Variants in KCNH1 observed in about 807,000 individuals in gnomAD.
KCNH1 encodes the protein voltage-gated delayed rectifier potassium channel KCNH1.
KCNH1 carries 27 observed loss-of-function variants against 69.2 expected under a neutral mutation model. The observed-to-expected ratio is 0.39, with a 90% CI of 0.29 to 0.54. The LOEUF (loss-of-function observed/expected upper bound fraction) is 0.54, where lower values mean the gene tolerates loss of function less well. Ranked by LOEUF, KCNH1 falls within the 20% of genes least tolerant of loss-of-function variation. KCNH1 has a pLI of 0.68. For missense variants in KCNH1, 798 were observed against 1,261.6 expected, an observed-to-expected ratio of 0.63 and a Z score of 5.57; for synonymous variants, 456 against 487.7, an observed-to-expected ratio of 0.93 and a Z score of 0.86.
chr1:210,730,499 G>A (rs1186178329), intron 10 of KCNH1, among the ~76,000 whole-genome samples: 2 of 152,186 alleles, frequency 1.3e-5, no homozygotes, highest in Non-Finnish European at 2.9e-5. Flanking sequence ...TAATAATCCA[G>A]TCTCCTTCCC....
At chr1:210,769,992 A>T (rs114388686) in intron 10 of KCNH1, among the ~76,000 whole-genome samples, 3,404 of 152,156 alleles carry the variant, frequency 0.022, 131 homozygotes, top group African/African-American at 0.077. Context: ...CCGTATGTAA[A>T]CTTCTCAATA....
At chr1:210,829,644 G>A (rs1426405571) in intron 7 of KCNH1, among the ~76,000 whole-genome samples, 1 of 152,070 alleles carries the variant, frequency 6.6e-6, no homozygotes, top group Non-Finnish European at 1.5e-5. Flanking sequence ...TTGCACTGGC[G>A]GCTACCTGTA....
chr1:210,935,074 G>A lies in KCNH1; in HGVS notation c.1033-15005C>T, dbSNP rs556169641. 3.1e-4 allele frequency among the ~76,000 whole-genome samples: 45 copies of A among 143,734 alleles called. No individual in the cohort carries two copies. The South Asian group carries it at 9.9e-3, about 32-fold the overall frequency. 94.3% of individuals were successfully genotyped at this position (143,734 alleles called of 152,430 possible). A position where few individuals can be genotyped will look rare whatever the true frequency, so the allele number is the denominator to read the frequency against. On this transcript the variant is annotated intron_variant, in intron 6 of 10. Coordinates refer to ENST00000271751, the MANE Select transcript of KCNH1 (RefSeq NM_172362.3). ...GCACTGTTCACAATAGCTAAGATAT[G>A]GAATTTACCTTAGTGTCATCAACAG...
chr1:210,791,675 A>G (rs2102393063), intron 9 of KCNH1, among the ~76,000 whole-genome samples: 1 of 152,310 alleles, frequency 6.6e-6, no homozygotes, highest in South Asian at 2.1e-4. Flanking sequence ...TACCCACGTT[A>G]CTTATTGTCA....
intron 5 of KCNH1, among the ~76,000 whole-genome samples, chr1:211,072,005 G>C (rs1476000968): frequency 1.3e-5 from 2 of 152,206 alleles, no homozygotes; most frequent in African/African-American, 4.8e-5. Context: ...GCCAGGCAGA[G>C]TGGCTCACAC....
chr1:211,078,273 T>C (rs1240336783), intron 5 of KCNH1, among the ~76,000 whole-genome samples: 1 of 152,200 alleles, frequency 6.6e-6, no homozygotes, highest in Non-Finnish European at 1.5e-5. Context: ...GCAGACCTAA[T>C]AGACATCTAC....
chr1:210,734,227 A>C (rs1332189829), intron 10 of KCNH1, among the ~76,000 whole-genome samples: 1 of 152,226 alleles, frequency 6.6e-6, no homozygotes, highest in Non-Finnish European at 1.5e-5. Context: ...AATTGATTTC[A>C]TGAAAGGATT....
At position 211,076,948 on chromosome 1, in the gene KCNH1, A is replaced by G. The variant is rs1311060074; in HGVS notation, c.558+5832T>C. Among the ~76,000 whole-genome samples, 3 of 152,362 alleles carry G rather than the reference A, an allele frequency of 2.0e-5. No homozygotes were observed. In the East Asian group the frequency reaches 5.8e-4, roughly 29 times the overall value. On this transcript the variant is annotated intron_variant, in intron 5 of 10. Coordinates refer to ENST00000271751, the MANE Select transcript of KCNH1 (RefSeq NM_172362.3). ...ATGGAGCTGAAAACCATGGCACAAG[A>G]ACTATGCGACACATGCACAAGCTTC...
At chr1:210,963,318 C>T (rs543070286) in intron 6 of KCNH1, among the ~76,000 whole-genome samples, 6 of 152,164 alleles carry the variant, frequency 3.9e-5, no homozygotes, top group South Asian at 2.1e-4. Flanking sequence ...GATAAATCCA[C>T]GAAGATGGGG....
chr1:210,953,512 A>G (rs1463723034), intron 6 of KCNH1, among the ~76,000 whole-genome samples: 1 of 152,142 alleles, frequency 6.6e-6, no homozygotes, highest in Non-Finnish European at 1.5e-5. Context: ...TTTTCTGGCA[A>G]TCTGGATCTC....
At chr1:210,810,247 T>C (rs1684674971) in intron 7 of KCNH1, among the ~76,000 whole-genome samples, 1 of 152,208 alleles carries the variant, frequency 6.6e-6, no homozygotes, top group South Asian at 2.1e-4. Flanking sequence ...TCTCCAGCCT[T>C]ATCTTGCTAT....
chr1:211,040,515 T>C (rs1689976740), intron 5 of KCNH1, among the ~76,000 whole-genome samples: 1 of 152,186 alleles, frequency 6.6e-6, no homozygotes, highest in African/African-American at 2.4e-5. Flanking sequence ...TGCCTCTCAC[T>C]TCCTGCCATG....
At chr1:210,821,951 C>T (rs1684938513) in intron 7 of KCNH1, among the ~76,000 whole-genome samples, 1 of 151,988 alleles carries the variant, frequency 6.6e-6, no homozygotes, top group Non-Finnish European at 1.5e-5. Context: ...ATCCTCCCAC[C>T]TCAGCCTCCT....
At chr1:210,772,586 C>T (rs1683773838) in intron 10 of KCNH1, among the ~76,000 whole-genome samples, 1 of 151,860 alleles carries the variant, frequency 6.6e-6, no homozygotes, top group Non-Finnish European at 1.5e-5. Flanking sequence ...GGATCCATAC[C>T]AGACTCATAT....
chr1:211,094,322 T>C (rs4951504), intron 3 of KCNH1, among the ~76,000 whole-genome samples: 122,297 of 152,094 alleles, frequency 0.8, 49,623 homozygotes, highest in African/African-American at 0.87. Flanking sequence ...CGCTCAGCTG[T>C]CGCTCACCTC....
intron 7 of KCNH1, among the ~76,000 whole-genome samples, chr1:210,844,366 C>CA (rs935841312): frequency 3.7e-4 from 56 of 152,122 alleles, no homozygotes; most frequent in African/African-American, 1.3e-3. Flanking sequence ...ACTAAAAATA[C>CA]AAAAAAATTA....
At chr1:210,727,385 G>A (rs1009123147) in intron 10 of KCNH1, among the ~76,000 whole-genome samples, 6 of 152,084 alleles carry the variant, frequency 3.9e-5, no homozygotes, top group Admixed American at 2.0e-4. Flanking sequence ...TTTTGATAGC[G>A]ATACAGTCTC....
chr1:210,877,242 G>C (rs911912508), intron 7 of KCNH1, among the ~76,000 whole-genome samples: 10 of 152,128 alleles, frequency 6.6e-5, no homozygotes, highest in African/African-American at 2.4e-4. Context: ...AAGAGAGAGA[G>C]AGGAATAGAG....
intron 10 of KCNH1, among the ~76,000 whole-genome samples, chr1:210,721,992 C>T (rs1682477512): frequency 6.6e-6 from 1 of 152,116 alleles, no homozygotes; most frequent in African/African-American, 2.4e-5. Flanking sequence ...ACTCACCCTG[C>T]CACTTCCCTC....
Sources: gnomAD v4.1 joint callset for allele counts (sites outside exome capture counted in the v4.1 genomes callset) on GRCh38, gnomAD v4.1.1 for gene constraint, MANE v1.5 for transcripts, NCBI Gene and HGNC (gene_info 2026-07-23, HGNC 2026-07-21) for gene names.